The following CLVS1 variants were observed in gnomAD, a reference collection of about 807,000 sequenced individuals.
CLVS1 encodes the protein clavesin 1.
A neutral mutation model predicts 33.1 loss-of-function variants in CLVS1; 10 were observed. That is an observed-to-expected ratio of 0.30 (90% CI 0.19 to 0.51). CLVS1 has a LOEUF of 0.51. Among genes scored for constraint, CLVS1 ranks in the 20% least tolerant of loss-of-function variants. CLVS1 has a pLI of 0.97. For missense variants in CLVS1, 343 were observed against 433.4 expected, an observed-to-expected ratio of 0.79 and a Z score of 1.85; for synonymous variants, 163 against 166.1, an observed-to-expected ratio of 0.98 and a Z score of 0.14.
intron 2 of CLVS1, among the ~76,000 whole-genome samples, chr8:61,308,926 T>C (rs915788217): frequency 6.6e-6 from 1 of 152,182 alleles, no homozygotes; most frequent in Non-Finnish European, 1.5e-5. Flanking sequence ...GTTTCCAAAG[T>C]CTTTTTCAAT....
At chr8:61,418,384 CTTT>C (rs1239169710) in intron 3 of CLVS1, among the ~76,000 whole-genome samples, 1 of 152,102 alleles carries the variant, frequency 6.6e-6, no homozygotes, top group Non-Finnish European at 1.5e-5. Flanking sequence ...ATAATGCATG[CTTT>C]TTTTACCTAA....
At chr8:61,159,042 CT>C (rs200077054) in intron 2 of CLVS1, among the ~76,000 whole-genome samples, 1 of 151,272 alleles carries the variant, frequency 6.6e-6, no homozygotes, top group Non-Finnish European at 1.5e-5. Context: ...ATTAAAAACA[CT>C]TTTTTTTTGG....
At chr8:61,262,131 A>C (rs1489163128) in intron 2 of CLVS1, among the ~76,000 whole-genome samples, 2 of 151,950 alleles carry the variant, frequency 1.3e-5, no homozygotes, top group African/African-American at 4.8e-5. Context: ...TTCTCATTTC[A>C]GTCTCTCATG....
Position 61,211,243 on chromosome 8 carries a change from AATAG to A in CLVS1, c.-152+79388_-152+79391del, listed in dbSNP as rs938263509. Among the ~76,000 whole-genome samples the A allele has an allele frequency of 1.4e-4, 21 of 152,260 alleles. 1 individual carries two copies. Among genetic ancestry groups the A allele is most frequent in the African/African-American group, 2.6e-4 (11 of 41,560 alleles). ...GATTTTTCAAAACACTAAGTGAAAAAATAGATAGTCCCTAGAGATTCCGAGAATC... is the reference window on the plus strand; with the variant it reads ...GATTTTTCAAAACACTAAGTGAAAAAATAGTCCCTAGAGATTCCGAGAATC... On this transcript the variant is annotated intron_variant, in intron 2 of 2. Coordinates refer to the CLVS1 transcript ENST00000522621.
rs2129609617 is a variant in CLVS1, at chr8:61,501,386, G to GAT, written c.*1845_*1846dup. 6.6e-6 allele frequency: 1 copy of GAT among 152,224 alleles called. No homozygotes were observed. Among genetic ancestry groups the GAT allele is most frequent in the Non-Finnish European group, 1.5e-5 (1 of 67,996 alleles). The allele number at this position is 152,224 out of a possible 1,614,324, so 9.4% of individuals were successfully genotyped here. ...ACTTAGAACCTTACTGTAGTGACCT[G>GAT]ATTTTAAATACCATATTATATTTAC... is the stretch of plus-strand genomic sequence containing the variant. On this transcript the variant is annotated 3_prime_UTR_variant, in exon 6 of 6. Transcript: ENST00000325897.
At chr8:61,310,315 T>C (rs1440613375) in intron 2 of CLVS1, among the ~76,000 whole-genome samples, 1 of 152,224 alleles carries the variant, frequency 6.6e-6, no homozygotes, top group Non-Finnish European at 1.5e-5. Context: ...TAAGCACTAC[T>C]AATAGCCATA....
intron 1 of CLVS1, chr8:61,057,309 T>A (rs1246041498): frequency 6.6e-6 from 1 of 152,070 alleles, no homozygotes; most frequent in African/African-American, 2.4e-5. Flanking sequence ...CATAAACAGC[T>A]ATCTACTCCA....
chr8:61,265,235 T>C (rs1041750839), intron 2 of CLVS1, among the ~76,000 whole-genome samples: 2 of 152,234 alleles, frequency 1.3e-5, no homozygotes, highest in African/African-American at 2.4e-5. Flanking sequence ...TCTTAACAGA[T>C]GGCATTACCA....
At chr8:61,458,101 TA>T (rs1468504535) in intron 4 of CLVS1, among the ~76,000 whole-genome samples, 4 of 152,238 alleles carry the variant, frequency 2.6e-5, no homozygotes, top group African/African-American at 9.6e-5. Context: ...ACTTCATTTT[TA>T]ATGACTATTA....
intron 2 of CLVS1, among the ~76,000 whole-genome samples, chr8:61,317,837 T>C (rs1315823559): frequency 6.8e-6 from 1 of 147,864 alleles, no homozygotes; most frequent in Non-Finnish European, 1.5e-5. Context: ...AATCACTGCC[T>C]GCTGTCTATT....
At chr8:61,385,308 A>G (rs1011562659) in intron 3 of CLVS1, among the ~76,000 whole-genome samples, 1 of 152,214 alleles carries the variant, frequency 6.6e-6, no homozygotes, top group East Asian at 1.9e-4. Flanking sequence ...GAAGTGTGAT[A>G]TGGCTGTCCA....
chr8:61,182,027 A>G (rs148771607), intron 2 of CLVS1, among the ~76,000 whole-genome samples: 2,605 of 152,256 alleles, frequency 0.017, 77 homozygotes, highest in African/African-American at 0.06. Context: ...GACAAACCTG[A>G]CAAAAACAAG....
chr8:61,412,743 C>T (rs1361529882), intron 3 of CLVS1, among the ~76,000 whole-genome samples: 1 of 152,138 alleles, frequency 6.6e-6, no homozygotes, highest in Non-Finnish European at 1.5e-5. Context: ...GACTAAACCA[C>T]ACAGAAGGGG....
intron 2 of CLVS1, among the ~76,000 whole-genome samples, chr8:61,302,834 T>C (rs553826983): frequency 6.6e-6 from 1 of 152,138 alleles, no homozygotes; most frequent in Non-Finnish European, 1.5e-5. Context: ...CTTATAATCA[T>C]GGCAGAAGGT....
chr8:61,232,327 C>T (rs1036356858), intron 2 of CLVS1, among the ~76,000 whole-genome samples: 2 of 152,000 alleles, frequency 1.3e-5, no homozygotes, highest in Non-Finnish European at 2.9e-5. Context: ...TGAGCCACCG[C>T]GCCTGGCCGA....
chr8:61,291,511 G>T (rs1426629870), intron 1 of CLVS1, among the ~76,000 whole-genome samples: 1 of 152,024 alleles, frequency 6.6e-6, no homozygotes, highest in Non-Finnish European at 1.5e-5. Flanking sequence ...TTATAGTTTT[G>T]GAGGAAGTAG....
At chr8:61,418,092 G>A (rs552696020) in intron 3 of CLVS1, among the ~76,000 whole-genome samples, 1 of 152,338 alleles carries the variant, frequency 6.6e-6, no homozygotes, top group South Asian at 2.1e-4. Context: ...GGCTCTGCCT[G>A]CTACTGCCCC....
chr8:61,148,196 T>TTC (rs1806456532), intron 2 of CLVS1, among the ~76,000 whole-genome samples: 1 of 152,246 alleles, frequency 6.6e-6, no homozygotes, highest in South Asian at 2.1e-4. Context: ...TCTTGCATAT[T>TTC]TCTCACTTAT....
At chr8:61,476,083 G>A (rs1412552654) in intron 5 of CLVS1, among the ~76,000 whole-genome samples, 2 of 152,102 alleles carry the variant, frequency 1.3e-5, no homozygotes, top group East Asian at 3.9e-4. Context: ...TTTTTCTCAG[G>A]TTTGTCAAAG....
Sources: gnomAD v4.1 joint callset for allele counts (sites outside exome capture counted in the v4.1 genomes callset) on GRCh38, gnomAD v4.1.1 for gene constraint, MANE v1.5 for transcripts, NCBI Gene and HGNC (gene_info 2026-07-23, HGNC 2026-07-21) for gene names.